Variants in PCSK5 observed in about 807,000 individuals in gnomAD.
PCSK5 encodes prohormone convertase 5.
Under a neutral mutation model 233.2 loss-of-function variants are expected in PCSK5, and 129 were observed. The observed-to-expected ratio is 0.55, with a 90% CI of 0.48 to 0.64. PCSK5 has a LOEUF of 0.64. Ranked by LOEUF, PCSK5 falls within the 30% of genes least tolerant of loss-of-function variation. The probability of loss-of-function intolerance (pLI) is 0.00; values close to 1 mark genes in which losing one functional copy is unlikely to be tolerated. For synonymous variants in PCSK5, 825 were observed against 879.2 expected (o/e 0.94, Z 1.09); for missense variants, 2,076 against 2,430.1 (o/e 0.85, Z 3.06).
At chr9:76,230,598 A>C (rs1298690137) in intron 21 of PCSK5, among the ~76,000 whole-genome samples, 2 of 152,344 alleles carry the variant, frequency 1.3e-5, no homozygotes, top group East Asian at 1.9e-4. Flanking sequence ...GCACAGCAGC[A>C]GGTGAGCAGC....
intron 3 of PCSK5, among the ~76,000 whole-genome samples, chr9:76,018,350 G>T (rs1828039949): frequency 6.6e-6 from 1 of 152,194 alleles, no homozygotes; most frequent in Admixed American, 6.5e-5. Flanking sequence ...CCGGGCTGCG[G>T]ACCAGTATTG....
intron 10 of PCSK5, among the ~76,000 whole-genome samples, chr9:76,135,571 T>C (rs1822936000): frequency 6.6e-6 from 1 of 152,108 alleles, no homozygotes; most frequent in African/African-American, 2.4e-5. Context: ...GGAGATTTGA[T>C]CCCAAAATTG....
intron 3 of PCSK5, among the ~76,000 whole-genome samples, chr9:76,015,120 A>G (rs1333171958): frequency 6.6e-6 from 1 of 152,210 alleles, no homozygotes; most frequent in Non-Finnish European, 1.5e-5. Context: ...AGGAGAGCCA[A>G]GGGTGTAAGT....
chr9:75,914,466 A>G (rs1198141484), intron 1 of PCSK5, among the ~76,000 whole-genome samples: 2 of 152,140 alleles, frequency 1.3e-5, no homozygotes, highest in African/African-American at 4.8e-5. Context: ...TAAAATATAA[A>G]TGACCTTTAG....
At chr9:76,233,986 G>A (rs1005095884) in intron 22 of PCSK5, among the ~76,000 whole-genome samples, 1 of 152,106 alleles carries the variant, frequency 6.6e-6, no homozygotes, top group East Asian at 1.9e-4. Context: ...CCACTTAGAA[G>A]TTGCCAGAGC....
At chr9:76,255,874 GA>G (rs1005923174) in intron 24 of PCSK5, among the ~76,000 whole-genome samples, 5 of 152,092 alleles carry the variant, frequency 3.3e-5, no homozygotes, top group Non-Finnish European at 5.9e-5. Flanking sequence ...TTTTATAGAT[GA>G]AAAAACCAAT....
intron 23 of PCSK5, 88 bp downstream of exon 23, chr9:76,239,253 C>T: frequency 9.1e-7 from 1 of 1,102,588 alleles, no homozygotes; most frequent in Admixed American, 2.0e-5. Flanking sequence ...AATTGCCTTC[C>T]TGGCTTGCAT....
chr9:76,285,735 G>A (rs138079918), intron 24 of PCSK5, among the ~76,000 whole-genome samples: 19 of 151,886 alleles, frequency 1.3e-4, no homozygotes, highest in South Asian at 8.3e-4. Flanking sequence ...GACATTCTAT[G>A]ATAAAAGGCT....
At chr9:76,321,306 C>G (rs749019119) in intron 30 of PCSK5, 116 bp from the exon 31 acceptor site, 1 of 635,642 alleles carries the variant, frequency 1.6e-6, no homozygotes, top group Non-Finnish European at 2.8e-6. Context: ...ATGGATGCCT[C>G]TCAGCTGACG....
At chr9:76,274,741 T>A (rs535483330) in intron 24 of PCSK5, among the ~76,000 whole-genome samples, 2 of 152,350 alleles carry the variant, frequency 1.3e-5, no homozygotes, top group Non-Finnish European at 2.9e-5. Context: ...TATTTTATTG[T>A]ATCTACCTGT....
At chr9:75,941,814 C>G (rs903579245) in intron 2 of PCSK5, among the ~76,000 whole-genome samples, 1 of 152,166 alleles carries the variant, frequency 6.6e-6, no homozygotes, top group African/African-American at 2.4e-5. Flanking sequence ...CTCCACCTCC[C>G]TGTCCTATCG....
chr9:76,020,351 G>A (rs915729627), intron 3 of PCSK5, among the ~76,000 whole-genome samples: 2 of 152,192 alleles, frequency 1.3e-5, no homozygotes, highest in African/African-American at 4.8e-5. Context: ...GATTCTTGAG[G>A]TATAGGAAAC....
intron 12 of PCSK5, among the ~76,000 whole-genome samples, chr9:76,167,675 A>G (rs556380090): frequency 6.6e-6 from 1 of 152,232 alleles, no homozygotes; most frequent in African/African-American, 2.4e-5. Context: ...ATATATTGTT[A>G]TAAGAAGACT....
At chr9:76,116,400 A>G (rs1341891486) in intron 9 of PCSK5, among the ~76,000 whole-genome samples, 1 of 152,080 alleles carries the variant, frequency 6.6e-6, no homozygotes, top group Non-Finnish European at 1.5e-5. Context: ...GACTAAGATG[A>G]AGTAAAAGTT....
intron 24 of PCSK5, among the ~76,000 whole-genome samples, chr9:76,284,535 C>G (rs148023001): frequency 1.1e-4 from 11 of 104,354 alleles, no homozygotes; most frequent in East Asian, 8.9e-4. Flanking sequence ...TTTTTTTTGT[C>G]TTTTTTTTTT....
At chr9:76,048,917 GT>G (rs1257451455) in intron 5 of PCSK5, among the ~76,000 whole-genome samples, 1 of 152,160 alleles carries the variant, frequency 6.6e-6, no homozygotes, top group African/African-American at 2.4e-5. Flanking sequence ...ATCATAGCGA[GT>G]GGAGGTAGAA....
intron 29 of PCSK5, among the ~76,000 whole-genome samples, chr9:76,308,942 G>A (rs189789343): frequency 6.6e-6 from 1 of 152,334 alleles, no homozygotes; most frequent in East Asian, 1.9e-4. Context: ...AAGTGGTCAG[G>A]TACAGTGGTT....
chr9:76,083,615 A>T (rs1181547598), intron 7 of PCSK5, among the ~76,000 whole-genome samples: 3 of 152,218 alleles, frequency 2.0e-5, no homozygotes, highest in Admixed American at 2.0e-4. Flanking sequence ...CCATTGGCGT[A>T]TGTCTGTTTA....
chr9:75,959,635 AC>A (rs1825253555), intron 2 of PCSK5, among the ~76,000 whole-genome samples: 1 of 152,206 alleles, frequency 6.6e-6, no homozygotes, highest in South Asian at 2.1e-4. Context: ...CAGCAGTTGT[AC>A]ATACTCCAGT....
Sources: allele counts gnomAD v4.1 joint callset (sites outside exome capture counted in the v4.1 genomes callset), GRCh38; gene constraint gnomAD v4.1.1; transcripts MANE v1.5; gene names NCBI Gene and HGNC (gene_info 2026-07-23, HGNC 2026-07-21).